Variants in TMEM38A observed in about 807,000 individuals in gnomAD.
TMEM38A encodes the protein trimeric intracellular cation channel type A.
In TMEM38A, 17 loss-of-function variants were observed where a neutral mutation model predicts 28.6. That is an observed-to-expected ratio of 0.60 (90% CI 0.41 to 0.89). The LOEUF (loss-of-function observed/expected upper bound fraction) is 0.89. Among genes scored for constraint, TMEM38A ranks in the 40% least tolerant of loss-of-function variants. The pLI is 0.00. For missense variants in TMEM38A, 328 were observed against 393.1 expected (o/e 0.83, Z 1.40); for synonymous variants, 169 against 166.1 (o/e 1.02, Z -0.14).
chr19:16,681,897 A>G lies in TMEM38A; in HGVS notation c.467-524A>G, dbSNP rs192438922. 2.0e-5 allele frequency among the ~76,000 whole-genome samples: 3 copies of G among 152,274 alleles called. No homozygotes were observed. The East Asian group carries it at 5.8e-4, about 29-fold the overall frequency. Reference sequence around the variant, plus strand: ...GGATGTCCAAGTCTATTTAACCAGTACATTTAGGGTAAATGGGAAGATTCT... The same window carrying G: ...GGATGTCCAAGTCTATTTAACCAGTGCATTTAGGGTAAATGGGAAGATTCT... On this transcript the variant is annotated intron_variant, in intron 3 of 5. Coordinates refer to ENST00000187762, the MANE Select transcript of TMEM38A (RefSeq NM_024074.4).
chr19:16,676,824 G>A (rs1014894909), intron 1 of TMEM38A, among the ~76,000 whole-genome samples: 2 of 141,244 alleles, frequency 1.4e-5, no homozygotes, highest in Non-Finnish European at 3.0e-5. Context: ...GCAATGGCAC[G>A]ATCTCAGCTC....
At chr19:16,671,185 G>A (rs963412480) in intron 1 of TMEM38A, among the ~76,000 whole-genome samples, 34 of 148,564 alleles carry the variant, frequency 2.3e-4, no homozygotes, top group African/African-American at 2.0e-4. Flanking sequence ...AGTATGGAAA[G>A]GGGAAAGGAC....
intron 1 of TMEM38A, among the ~76,000 whole-genome samples, chr19:16,669,981 T>C (rs1843278040): frequency 6.6e-6 from 1 of 152,062 alleles, no homozygotes; most frequent in African/African-American, 2.4e-5. Context: ...ATTATTTTAT[T>C]TTTTTGAGAC....
At chr19:16,678,575 C>T (rs912418204) in intron 1 of TMEM38A, among the ~76,000 whole-genome samples, 3 of 151,652 alleles carry the variant, frequency 2.0e-5, no homozygotes, top group Non-Finnish European at 4.4e-5. Flanking sequence ...GCCTGGGCAA[C>T]ATGGCGAAAC....
At chr19:16,683,526 G>A (rs1043631748) in intron 4 of TMEM38A, among the ~76,000 whole-genome samples, 2 of 149,316 alleles carry the variant, frequency 1.3e-5, no homozygotes, top group African/African-American at 4.9e-5. Flanking sequence ...CCAGGAATTC[G>A]AGGCTTCAGT....
At chr19:16,679,810 T>G (rs762347470) in intron 1 of TMEM38A, among the ~76,000 whole-genome samples, 174 bp from the exon 2 acceptor site, 1 of 152,212 alleles carries the variant, frequency 6.6e-6, no homozygotes, top group South Asian at 2.1e-4. Context: ...ATTTTCTCTG[T>G]GCAACCTCAG....
chr19:16,669,620 C>G (rs144495775), intron 1 of TMEM38A, among the ~76,000 whole-genome samples: 36 of 152,258 alleles, frequency 2.4e-4, no homozygotes, highest in African/African-American at 8.7e-4. Flanking sequence ...GCTGTTGACT[C>G]CTGCTCCACC....
chr19:16,684,112 AG>A (rs11339408), intron 4 of TMEM38A, among the ~76,000 whole-genome samples: 14,216 of 151,966 alleles, frequency 0.094, 1,083 homozygotes, highest in African/African-American at 0.21. Context: ...CCTGGGCAAT[AG>A]AGCAAGACTC....
At chr19:16,677,396 G>T (rs772628036) in intron 1 of TMEM38A, among the ~76,000 whole-genome samples, 1 of 152,072 alleles carries the variant, frequency 6.6e-6, no homozygotes, top group African/African-American at 2.4e-5. Context: ...GTGCAGTGGT[G>T]CACTCATGGC....
At chr19:16,674,310 A>G (rs914043378) in intron 1 of TMEM38A, among the ~76,000 whole-genome samples, 1 of 147,408 alleles carries the variant, frequency 6.8e-6, no homozygotes, top group Non-Finnish European at 1.5e-5. Flanking sequence ...ACTTGAACCT[A>G]GGAGGAGGCG....
chr19:16,676,079 G>A lies in TMEM38A; in HGVS notation c.125-3905G>A, dbSNP rs894880531. Among the ~76,000 whole-genome samples, 22 of 149,830 alleles carry A rather than the reference G, an allele frequency of 1.5e-4. 1 individual carries two copies. The highest frequency in any genetic ancestry group is 5.6e-4 in the African/African-American group (22 of 39,204). On this transcript the variant is annotated intron_variant, in intron 1 of 5. Coordinates refer to ENST00000187762, the MANE Select transcript of TMEM38A (RefSeq NM_024074.4). ...TTTGACTAATAAGAGATCACATTTT[G>A]GCCGGGCGCGGTGGCTCACACCTGT...
chr19:16,663,434 C>A (rs1054769616), intron 1 of TMEM38A, among the ~76,000 whole-genome samples: 2 of 152,128 alleles, frequency 1.3e-5, no homozygotes, highest in East Asian at 3.9e-4. Flanking sequence ...CATCCAGGCT[C>A]TAAGTGCCAG....
intron 1 of TMEM38A, among the ~76,000 whole-genome samples, chr19:16,679,479 G>A (rs116343788): frequency 0.01 from 1,550 of 152,026 alleles, 26 homozygotes; most frequent in African/African-American, 0.035. Context: ...TATTTTTAGG[G>A]ACGGGGTTTC....
At chr19:16,676,155 T>A (rs916574347) in intron 1 of TMEM38A, among the ~76,000 whole-genome samples, 2 of 133,564 alleles carry the variant, frequency 1.5e-5, no homozygotes, top group Admixed American at 1.4e-4. Context: ...GGTCAGGAGA[T>A]TGAGACCATC....
intron 5 of TMEM38A, among the ~76,000 whole-genome samples, chr19:16,686,857 G>A (rs558508113): frequency 2.6e-5 from 4 of 152,218 alleles, no homozygotes; most frequent in African/African-American, 9.6e-5. Context: ...TTCCCTGGGT[G>A]AGGACTCCAG....
intron 4 of TMEM38A, 39 bp from the exon 5 acceptor site, chr19:16,686,248 CA>C: frequency 1.3e-6 from 2 of 1,516,984 alleles, no homozygotes; most frequent in Non-Finnish European, 1.8e-6. Flanking sequence ...AGACTTGAGC[CA>C]TGCAGGCACC....
chr19:16,687,542 A>G (rs758687676), intron 5 of TMEM38A, among the ~76,000 whole-genome samples: 2 of 152,112 alleles, frequency 1.3e-5, no homozygotes, highest in Non-Finnish European at 2.9e-5. Flanking sequence ...AAAGGAAGAA[A>G]TGTATTTCTT....
chr19:16,678,032 G>A (rs1410142157), intron 1 of TMEM38A, among the ~76,000 whole-genome samples: 1 of 152,154 alleles, frequency 6.6e-6, no homozygotes, highest in African/African-American at 2.4e-5. Flanking sequence ...GATGGGGGAT[G>A]AGGAGTGAGT....
intron 1 of TMEM38A, among the ~76,000 whole-genome samples, chr19:16,678,427 CAAAAAA>C (rs58580381): frequency 6.2e-5 from 4 of 64,768 alleles, no homozygotes; most frequent in Non-Finnish European, 9.9e-5. Flanking sequence ...GACTCTGTCT[CAAAAAA>C]AAAAAAAAAA....
Sources: gnomAD v4.1 joint callset for allele counts (sites outside exome capture counted in the v4.1 genomes callset) on GRCh38, gnomAD v4.1.1 for gene constraint, MANE v1.5 for transcripts, NCBI Gene and HGNC (gene_info 2026-07-23, HGNC 2026-07-21) for gene names.